ADAMTS16: variants seen among roughly 807,000 people sequenced by gnomAD.
The protein encoded by ADAMTS16 is ADAM metallopeptidase with thrombospondin type 1 motif 16, also known as A disintegrin and metalloproteinase with thrombospondin motifs 16.
Under a neutral mutation model 145.8 loss-of-function variants are expected in ADAMTS16, and 94 were observed. The observed-to-expected ratio is 0.64, with a 90% CI of 0.55 to 0.77. The LOEUF is 0.77. Ranked by LOEUF, ADAMTS16 falls within the 30% of genes least tolerant of loss-of-function variation. The probability of loss-of-function intolerance (pLI) is 0.00; values close to 1 mark genes in which losing one functional copy is unlikely to be tolerated. For missense variants in ADAMTS16, 1,585 were observed against 1,591.5 expected (o/e 1.00, Z 0.07); for synonymous variants, 659 against 604.3 (o/e 1.09, Z -1.33).
At chr5:5,270,444 T>A (rs1194572161) in intron 18 of ADAMTS16, among the ~76,000 whole-genome samples, 1 of 152,172 alleles carries the variant, frequency 6.6e-6, no homozygotes, top group African/African-American at 2.4e-5. Flanking sequence ...GTCTCCTGTC[T>A]CCTAGGATAA....
intron 17 of ADAMTS16, among the ~76,000 whole-genome samples, chr5:5,255,050 T>C (rs1428881398): frequency 6.6e-6 from 1 of 152,140 alleles, no homozygotes; most frequent in East Asian, 1.9e-4. Context: ...ACTACTTAGA[T>C]TGTTTATCCC....
Position 5,258,899 on chromosome 5 carries a change from T to TA in ADAMTS16, c.2663-3754dup, listed in dbSNP as rs371383072. On this transcript the variant is annotated intron_variant, in intron 17 of 22. Coordinates refer to ENST00000274181, the MANE Select transcript of ADAMTS16 (RefSeq NM_139056.4). ...ATTCTTGGGTGTGTATGTATATTTT[T>TA]AAAAGGCAATGCCATTTTTAAAAGG... Among the ~76,000 whole-genome samples, 612 of 152,290 alleles carry TA rather than the reference T, an allele frequency of 4.0e-3. 6 individuals are homozygous for TA. The highest frequency in any genetic ancestry group is 0.014 in the African/African-American group (588 of 41,550).
At chr5:5,221,471 G>A (rs183953282) in intron 10 of ADAMTS16, among the ~76,000 whole-genome samples, 49 of 152,224 alleles carry the variant, frequency 3.2e-4, no homozygotes, top group Non-Finnish European at 5.0e-4. Flanking sequence ...TATCACAATG[G>A]CGAGGATCCC....
At chr5:5,264,590 G>A (rs1254104409) in intron 18 of ADAMTS16, among the ~76,000 whole-genome samples, 1 of 152,132 alleles carries the variant, frequency 6.6e-6, no homozygotes, top group Non-Finnish European at 1.5e-5. Context: ...AGAGAAGGAG[G>A]TCACTTACCA....
intron 4 of ADAMTS16, among the ~76,000 whole-genome samples, chr5:5,183,759 G>A (rs1735412978): frequency 6.6e-6 from 1 of 152,242 alleles, no homozygotes; most frequent in Non-Finnish European, 1.5e-5. Context: ...CTGCGCGTGT[G>A]TGCATAGGCA....
chr5:5,303,951 G>A (rs892691377), intron 20 of ADAMTS16, 185 bp downstream of exon 20: 19 of 682,354 alleles, frequency 2.8e-5, no homozygotes, highest in Admixed American at 1.7e-4. Context: ...CTTCTGAATC[G>A]TGTCCTGGGA....
At chr5:5,228,810 G>A (rs1736839241) in intron 11 of ADAMTS16, among the ~76,000 whole-genome samples, 1 of 152,206 alleles carries the variant, frequency 6.6e-6, no homozygotes, top group Non-Finnish European at 1.5e-5. Flanking sequence ...CCGTAATAAA[G>A]AAATCAATGT....
chr5:5,199,663 C>T (rs987229833), intron 8 of ADAMTS16, among the ~76,000 whole-genome samples: 8 of 152,180 alleles, frequency 5.3e-5, no homozygotes, highest in African/African-American at 1.7e-4. Context: ...GCATCAAACT[C>T]GCCTGGGGAG....
In ADAMTS16 at chr5:5,292,326, T is replaced by C. The variant is rs930150692; in HGVS notation, c.2790-10942T>C. On this transcript the variant is annotated intron_variant, in intron 18 of 22. Coordinates refer to ENST00000274181, the MANE Select transcript of ADAMTS16 (RefSeq NM_139056.4). ...GCCTGGCCAACATGAAGAAATTCCA[T>C]CTCTACTAAAAATACAAAAAATTAG... Among the ~76,000 whole-genome samples the C allele has an allele frequency of 2.6e-5, 4 of 151,872 alleles. No individual in the cohort carries two copies. In the East Asian group the frequency reaches 7.8e-4, roughly 29 times the overall value.
intron 18 of ADAMTS16, among the ~76,000 whole-genome samples, chr5:5,272,895 C>T (rs528331008): frequency 3.3e-5 from 5 of 152,286 alleles, no homozygotes; most frequent in South Asian, 2.1e-4. Flanking sequence ...CTCCAAGGTC[C>T]GCAGGCAGTG....
At chr5:5,168,644 T>TA (rs1734956677) in intron 3 of ADAMTS16, among the ~76,000 whole-genome samples, 1 of 98,448 alleles carries the variant, frequency 1.0e-5, no homozygotes, top group Admixed American at 1.2e-4. Context: ...ATATATATAA[T>TA]TATATTTATA....
intron 3 of ADAMTS16, among the ~76,000 whole-genome samples, chr5:5,171,377 T>C (rs1298626201): frequency 6.6e-6 from 1 of 152,234 alleles, no homozygotes; most frequent in Admixed American, 6.5e-5. Context: ...TTTCAGCTTT[T>C]TTCCCATTCA....
intron 8 of ADAMTS16, among the ~76,000 whole-genome samples, chr5:5,199,099 G>A (rs73038119): frequency 0.17 from 25,141 of 151,996 alleles, 2,333 homozygotes; most frequent in African/African-American, 0.24. Flanking sequence ...AGTATGTTGT[G>A]TTCTTCTGGG....
At chr5:5,176,544 G>A (rs969675485) in intron 3 of ADAMTS16, among the ~76,000 whole-genome samples, 4 of 152,032 alleles carry the variant, frequency 2.6e-5, no homozygotes, top group Admixed American at 2.0e-4. Context: ...TCAGAACAAG[G>A]CCAGAAATAT....
intron 18 of ADAMTS16, among the ~76,000 whole-genome samples, chr5:5,267,712 T>A (rs1738294972): frequency 6.6e-6 from 1 of 152,158 alleles, no homozygotes; most frequent in Non-Finnish European, 1.5e-5. Context: ...AGGCCCAGGA[T>A]GGGGGCATAG....
intron 14 of ADAMTS16, among the ~76,000 whole-genome samples, chr5:5,238,023 A>G (rs1737163108): frequency 6.6e-6 from 1 of 152,170 alleles, no homozygotes; most frequent in African/African-American, 2.4e-5. Flanking sequence ...CTTCCCCTAA[A>G]TTATTGACCA....
intron 3 of ADAMTS16, among the ~76,000 whole-genome samples, chr5:5,161,664 A>C (rs1279615864): frequency 1.3e-5 from 2 of 152,180 alleles, no homozygotes; most frequent in South Asian, 4.1e-4. Context: ...CCTTCCATTC[A>C]CAGGTCCTTT....
intron 18 of ADAMTS16, among the ~76,000 whole-genome samples, chr5:5,271,261 GTCT>G (rs1024468687): frequency 3.5e-4 from 53 of 152,362 alleles, no homozygotes; most frequent in Non-Finnish European, 1.3e-4. Context: ...GTGTCTAGAA[GTCT>G]TCTTGCTGGA....
intron 18 of ADAMTS16, among the ~76,000 whole-genome samples, chr5:5,273,010 G>A (rs1346716990): frequency 6.6e-6 from 1 of 152,112 alleles, no homozygotes; most frequent in Non-Finnish European, 1.5e-5. Context: ...CCCTTCCAGA[G>A]TCATTAGAGC....
Sources: allele counts gnomAD v4.1 joint callset (sites outside exome capture counted in the v4.1 genomes callset), GRCh38; gene constraint gnomAD v4.1.1; transcripts MANE v1.5; gene names NCBI Gene and HGNC (gene_info 2026-07-23, HGNC 2026-07-21).